The following KCNIP1 variants were observed in gnomAD, a reference collection of about 807,000 sequenced individuals.
KCNIP1 encodes potassium voltage-gated channel interacting protein 1, also known as A-type potassium channel modulatory protein KCNIP1.
KCNIP1 carries 18 observed loss-of-function variants against 33.0 expected under a neutral mutation model. The ratio of observed to expected loss-of-function variants is 0.55; its 90% CI spans 0.38 to 0.81. The LOEUF (loss-of-function observed/expected upper bound fraction) is 0.81. Among genes scored for constraint, KCNIP1 ranks in the 30% least tolerant of loss-of-function variants. The pLI, the probability that KCNIP1 is intolerant of heterozygous loss-of-function variation, is 0.00. For synonymous variants in KCNIP1, 93 were observed against 98.3 expected, an observed-to-expected ratio of 0.95 and a Z score of 0.32; for missense variants, 238 against 271.6, an observed-to-expected ratio of 0.88 and a Z score of 0.87.
chr5:170,694,487 C>A (rs879636178), intron 1 of KCNIP1, among the ~76,000 whole-genome samples: 2 of 152,162 alleles, frequency 1.3e-5, no homozygotes, highest in Non-Finnish European at 2.9e-5. Context: ...GTCTCTGTCA[C>A]CCCCTCACTC....
intron 1 of KCNIP1, among the ~76,000 whole-genome samples, chr5:170,656,911 C>G (rs1327515798): frequency 6.6e-6 from 1 of 152,180 alleles, no homozygotes; most frequent in Non-Finnish European, 1.5e-5. Flanking sequence ...CGTCCCCATG[C>G]TCAGCACATC....
chr5:170,355,989 T>A (rs140749369), intron 1 of KCNIP1, among the ~76,000 whole-genome samples: 202 of 152,312 alleles, frequency 1.3e-3, no homozygotes, highest in African/African-American at 4.5e-3. Context: ...GCCAGGCACG[T>A]GCTAGGTGAC....
intron 1 of KCNIP1, among the ~76,000 whole-genome samples, chr5:170,359,163 A>T (rs1763434306): frequency 1.3e-5 from 2 of 152,174 alleles, no homozygotes; most frequent in South Asian, 4.1e-4. Context: ...GCAGGTGTGC[A>T]GGCCCAAAGC....
intron 1 of KCNIP1, among the ~76,000 whole-genome samples, chr5:170,646,520 A>T (rs1348252782): frequency 6.6e-6 from 1 of 152,230 alleles, no homozygotes; most frequent in East Asian, 1.9e-4. Flanking sequence ...ATGTGGAAAA[A>T]GCATTTGACA....
chr5:170,460,490 C>A (rs913607536), intron 1 of KCNIP1, among the ~76,000 whole-genome samples: 6 of 152,144 alleles, frequency 3.9e-5, no homozygotes, highest in Non-Finnish European at 8.8e-5. Context: ...GATAATCCAC[C>A]ATGATCAAGT....
At chr5:170,527,729 CA>C (rs1755633270) in intron 1 of KCNIP1, among the ~76,000 whole-genome samples, 1 of 149,474 alleles carries the variant, frequency 6.7e-6, no homozygotes, top group Non-Finnish European at 1.5e-5. Flanking sequence ...TGGACGTTAG[CA>C]CACACAGTTA....
intron 1 of KCNIP1, among the ~76,000 whole-genome samples, chr5:170,603,069 G>C (rs951473673): frequency 2.6e-5 from 4 of 152,240 alleles, no homozygotes; most frequent in African/African-American, 9.6e-5. Context: ...GCACACAGCA[G>C]GGCAGGGGGC....
intron 1 of KCNIP1, among the ~76,000 whole-genome samples, chr5:170,459,010 G>A (rs1372071584): frequency 6.6e-6 from 1 of 151,932 alleles, no homozygotes; most frequent in African/African-American, 2.4e-5. Flanking sequence ...GTAAAGGGGT[G>A]GAAAAGACAT....
intron 1 of KCNIP1, among the ~76,000 whole-genome samples, chr5:170,474,398 T>C (rs978254442): frequency 6.6e-6 from 1 of 152,192 alleles, no homozygotes; most frequent in African/African-American, 2.4e-5. Flanking sequence ...CCCATACCTA[T>C]GCAAGTAATT....
intron 1 of KCNIP1, among the ~76,000 whole-genome samples, chr5:170,637,697 A>G (rs1048054248): frequency 2.0e-5 from 3 of 152,048 alleles, no homozygotes; most frequent in African/African-American, 7.2e-5. Context: ...CCTCTTCCAG[A>G]TAACAACTCT....
At chr5:170,447,201 A>ATGTCTTGT (rs1290755452) in intron 1 of KCNIP1, among the ~76,000 whole-genome samples, 2 of 152,150 alleles carry the variant, frequency 1.3e-5, no homozygotes, top group Admixed American at 6.5e-5. Context: ...CTCCTACTGC[A>ATGTCTTGT]AGAGAGAGGC....
chr5:170,569,420 A>G (rs1229299111), intron 1 of KCNIP1, among the ~76,000 whole-genome samples: 1 of 152,220 alleles, frequency 6.6e-6, no homozygotes, highest in East Asian at 1.9e-4. Flanking sequence ...GCAGGCCCGA[A>G]CTGTCTTTTC....
Position 170,504,409 on chromosome 5 carries a change from G to T in KCNIP1, c.-164G>T. On this transcript the variant is annotated 5_prime_UTR_variant, in exon 1 of 8. Coordinates refer to ENST00000328939, the MANE Select transcript of KCNIP1 (RefSeq NM_014592.4). The surrounding 1 kb of genome is among the most constrained non-coding windows in gnomAD (Gnocchi z 6.0). ...GCGGGGCTGAAGAAGGAAGCCAGAA[G>T]CCTCCTAGCCTCGCCTCCACGCTTG... 6.9e-7 allele frequency: 1 copy of T among 1,448,560 alleles called. No homozygotes were observed. Among genetic ancestry groups the T allele is most frequent in the Non-Finnish European group, 9.0e-7 (1 of 1,107,084 alleles). The allele number at this position is 1,448,560 out of a possible 1,614,324, so 89.7% of individuals were successfully genotyped here.
At chr5:170,526,597 C>A (rs1326207102) in intron 1 of KCNIP1, among the ~76,000 whole-genome samples, 1 of 152,040 alleles carries the variant, frequency 6.6e-6, no homozygotes, top group Non-Finnish European at 1.5e-5. Context: ...CAGGTAGTGA[C>A]ATCTGGGAGG....
chr5:170,629,845 C>T (rs1485668159), intron 1 of KCNIP1, among the ~76,000 whole-genome samples: 1 of 152,260 alleles, frequency 6.6e-6, no homozygotes, highest in African/African-American at 2.4e-5. Context: ...AACCACCACA[C>T]AAGATTCTCT....
intron 1 of KCNIP1, among the ~76,000 whole-genome samples, chr5:170,553,303 A>T (rs1272883831): frequency 6.6e-6 from 1 of 152,210 alleles, no homozygotes; most frequent in African/African-American, 2.4e-5. Context: ...TATTCATCAT[A>T]TCCTTAAATA....
intron 1 of KCNIP1, among the ~76,000 whole-genome samples, chr5:170,534,719 AT>A (rs1177184088): frequency 6.6e-6 from 1 of 151,536 alleles, no homozygotes; most frequent in African/African-American, 2.4e-5. Context: ...TGGGGGTCTC[AT>A]TATGTTCCCC....
At chr5:170,528,033 G>A (rs1755644363) in intron 1 of KCNIP1, among the ~76,000 whole-genome samples, 1 of 152,114 alleles carries the variant, frequency 6.6e-6, no homozygotes. Flanking sequence ...TGGTGTTTGT[G>A]AGCTGGAGGA....
chr5:170,447,093 G>A (rs1022438128), intron 1 of KCNIP1, among the ~76,000 whole-genome samples: 12 of 152,038 alleles, frequency 7.9e-5, no homozygotes, highest in Non-Finnish European at 1.3e-4. Context: ...CTGGCATCAC[G>A]CCTCACTCAT....
Sources: allele counts gnomAD v4.1 joint callset (sites outside exome capture counted in the v4.1 genomes callset), GRCh38; gene constraint gnomAD v4.1.1; non-coding constraint Gnocchi (gnomAD v3.1); transcripts MANE v1.5; gene names NCBI Gene and HGNC (gene_info 2026-07-23, HGNC 2026-07-21).